PALM2AKAP2: variants seen among roughly 807,000 people sequenced by gnomAD.
The protein encoded by PALM2AKAP2 is PALM2 and AKAP2 fusion.
In PALM2AKAP2, 37 loss-of-function variants were observed where a neutral mutation model predicts 71.5. The ratio of observed to expected loss-of-function variants is 0.52; its 90% CI spans 0.40 to 0.68. PALM2AKAP2 has a LOEUF of 0.68. Among genes scored for constraint, PALM2AKAP2 ranks in the 30% least tolerant of loss-of-function variants. The probability of loss-of-function intolerance (pLI) is 0.00; values close to 1 mark genes in which losing one functional copy is unlikely to be tolerated. For missense variants in PALM2AKAP2, 1,224 were observed against 1,191.8 expected (o/e 1.03, Z -0.40); for synonymous variants, 468 against 478.8 (o/e 0.98, Z 0.29).
intron 1 of PALM2AKAP2, among the ~76,000 whole-genome samples, chr9:109,688,174 A>G (rs1827829380): frequency 6.6e-6 from 1 of 152,250 alleles, no homozygotes; most frequent in Admixed American, 6.5e-5. Context: ...TAGAGACACG[A>G]AGTGTGCACA....
At chr9:109,990,386 G>A (rs1832456198) in intron 6 of PALM2AKAP2, among the ~76,000 whole-genome samples, 1 of 152,140 alleles carries the variant, frequency 6.6e-6, no homozygotes, top group East Asian at 1.9e-4. Context: ...TTAGGGGTTG[G>A]CTAGATGTCT....
intron 1 of PALM2AKAP2, among the ~76,000 whole-genome samples, chr9:109,829,280 C>T (rs916148808): frequency 6.6e-6 from 1 of 152,220 alleles, no homozygotes; most frequent in Admixed American, 6.5e-5. Flanking sequence ...ATGGCAACCT[C>T]TTCCAACAAT....
At chr9:110,162,723 G>A (rs1421014409) in intron 3 of PALM2AKAP2, among the ~76,000 whole-genome samples, 1 of 152,144 alleles carries the variant, frequency 6.6e-6, no homozygotes, top group Non-Finnish European at 1.5e-5. Flanking sequence ...TTGTTTAAGA[G>A]ACAAGGTCTT....
chr9:110,083,079 T>C (rs986331582), intron 1 of PALM2AKAP2, among the ~76,000 whole-genome samples: 1 of 152,132 alleles, frequency 6.6e-6, no homozygotes, highest in Non-Finnish European at 1.5e-5. Context: ...AGGCGGAGGT[T>C]GTGGTGAGTC....
At chr9:110,048,809 C>T in exon 1 of PALM2AKAP2, 2 of 1,533,132 alleles carry the variant, frequency 1.3e-6, no homozygotes, top group South Asian at 2.4e-5. Context: ...CGGCGCTGGA[C>T]TGGAGCAGAA....
intron 6 of PALM2AKAP2, among the ~76,000 whole-genome samples, chr9:109,950,889 T>C (rs938980220): frequency 6.6e-5 from 10 of 152,224 alleles, no homozygotes; most frequent in Admixed American, 1.3e-4. Flanking sequence ...GTTTCGAGAT[T>C]AAGTGGGCAG....
intron 1 of PALM2AKAP2, among the ~76,000 whole-genome samples, chr9:110,077,227 G>A (rs1834342176): frequency 6.6e-6 from 1 of 152,184 alleles, no homozygotes; most frequent in African/African-American, 2.4e-5. Flanking sequence ...AAGGAAGACT[G>A]TAGTCGTACT....
intron 3 of PALM2AKAP2, among the ~76,000 whole-genome samples, chr9:109,894,086 C>T (rs948290119): frequency 2.6e-5 from 4 of 151,198 alleles, no homozygotes; most frequent in Non-Finnish European, 4.4e-5. Context: ...CCTGTAATCC[C>T]AGCACTTCGG....
chr9:110,085,074 A>G (rs1243995655), intron 1 of PALM2AKAP2, among the ~76,000 whole-genome samples: 2 of 152,024 alleles, frequency 1.3e-5, no homozygotes, highest in African/African-American at 2.4e-5. Flanking sequence ...TATATTTTCC[A>G]TCGTGGTTGG....
At chr9:110,007,200 T>G (rs1013387959) in intron 6 of PALM2AKAP2, among the ~76,000 whole-genome samples, 6 of 152,196 alleles carry the variant, frequency 3.9e-5, no homozygotes, top group Admixed American at 3.9e-4. Flanking sequence ...GAGGTCAAAC[T>G]GAGGCCATCA....
At chr9:109,716,524 C>T (rs1455554105) in intron 1 of PALM2AKAP2, among the ~76,000 whole-genome samples, 8 of 152,264 alleles carry the variant, frequency 5.3e-5, no homozygotes, top group Admixed American at 1.3e-4. Context: ...GAATTTCAAA[C>T]GTAAATGGGC....
In PALM2AKAP2 at chr9:109,969,025, G is replaced by A. The variant is rs1832011542; in HGVS notation, c.496+36997G>A. Among the ~76,000 whole-genome samples, 4 of 151,908 alleles carry A rather than the reference G, an allele frequency of 2.6e-5. No homozygotes were observed. The South Asian group carries it at 6.2e-4, about 24-fold the overall frequency. On this transcript the variant is annotated intron_variant, in intron 6 of 9. Coordinates refer to the PALM2AKAP2 transcript ENST00000302798. ...AAAGCAACTGAACAGAACAGCTGCA[G>A]GAATGTAAAATGCAAGACCCTCTGA...
intron 1 of PALM2AKAP2, among the ~76,000 whole-genome samples, chr9:109,768,041 G>A (rs879680518): frequency 0.37 from 37,124 of 99,802 alleles, 8,038 homozygotes; most frequent in African/African-American, 0.61. Flanking sequence ...AAGAAAAAGA[G>A]GGAAGGAAGG....
chr9:109,701,481 C>T (rs1374425047), intron 1 of PALM2AKAP2, among the ~76,000 whole-genome samples: 3 of 152,118 alleles, frequency 2.0e-5, no homozygotes, highest in Admixed American at 6.5e-5. Context: ...CTGACAAAAA[C>T]AAGAAATGGG....
At chr9:110,102,979 C>T (rs1052718279) in intron 1 of PALM2AKAP2, among the ~76,000 whole-genome samples, 18 of 152,116 alleles carry the variant, frequency 1.2e-4, no homozygotes, top group African/African-American at 4.1e-4. Flanking sequence ...TCACTTCTTT[C>T]ACTCCCATCT....
At chr9:109,720,362 G>T (rs116923044) in intron 1 of PALM2AKAP2, among the ~76,000 whole-genome samples, 4,171 of 152,300 alleles carry the variant, frequency 0.027, 88 homozygotes, top group South Asian at 0.078. Flanking sequence ...TGTGAAGGGG[G>T]TGGATAGTAA....
At chr9:110,057,651 T>C (rs1161636889) in intron 1 of PALM2AKAP2, among the ~76,000 whole-genome samples, 3 of 152,084 alleles carry the variant, frequency 2.0e-5, no homozygotes, top group African/African-American at 7.3e-5. Flanking sequence ...GTGCTGGGAT[T>C]ACAGGTGTGA....
chr9:109,886,743 C>CT (rs1829975362), intron 3 of PALM2AKAP2, among the ~76,000 whole-genome samples: 1 of 152,166 alleles, frequency 6.6e-6, no homozygotes, highest in African/African-American at 2.4e-5. Context: ...TTAGAGATCT[C>CT]TTTTCTCAAC....
chr9:110,125,181 A>G (rs1018835431), intron 1 of PALM2AKAP2, among the ~76,000 whole-genome samples: 3 of 152,128 alleles, frequency 2.0e-5, no homozygotes, highest in African/African-American at 7.2e-5. Context: ...TGCTGCCTCA[A>G]TACCCCTGGG....
Sources: gnomAD v4.1 joint callset for allele counts (sites outside exome capture counted in the v4.1 genomes callset) on GRCh38, gnomAD v4.1.1 for gene constraint, MANE v1.5 for transcripts, NCBI Gene and HGNC (gene_info 2026-07-23, HGNC 2026-07-21) for gene names.